Variants in PLXNA2 observed in about 807,000 individuals in gnomAD.
PLXNA2 encodes the protein plexin-A2.
A neutral mutation model predicts 193.5 loss-of-function variants in PLXNA2; 91 were observed. The observed-to-expected ratio is 0.47, with a 90% confidence interval of 0.40 to 0.56. The LOEUF (loss-of-function observed/expected upper bound fraction) is 0.56, where lower values mean the gene tolerates loss of function less well. PLXNA2 is among the 20% of genes least tolerant of loss of function. The probability of loss-of-function intolerance (pLI) is 0.00; values close to 1 mark genes in which losing one functional copy is unlikely to be tolerated. For synonymous variants in PLXNA2, 997 were observed against 1,027.3 expected, an observed-to-expected ratio of 0.97 and a Z score of 0.56; for missense variants, 1,995 against 2,503.2, an observed-to-expected ratio of 0.80 and a Z score of 4.33.
At chr1:208,221,698 G>A (rs932713713) in intron 1 of PLXNA2, among the ~76,000 whole-genome samples, 1 of 152,152 alleles carries the variant, frequency 6.6e-6, no homozygotes, top group Admixed American at 6.5e-5. Flanking sequence ...CCAAATTGAT[G>A]TGACTAAGTG....
At chr1:208,161,229 C>G (rs1051448222) in intron 3 of PLXNA2, among the ~76,000 whole-genome samples, 1 of 152,162 alleles carries the variant, frequency 6.6e-6, no homozygotes, top group Non-Finnish European at 1.5e-5. Context: ...ATAGAGAATG[C>G]CCCTGAGGCC....
chr1:208,152,803 C>G (rs924629489), intron 3 of PLXNA2, among the ~76,000 whole-genome samples: 2 of 151,756 alleles, frequency 1.3e-5, no homozygotes, highest in African/African-American at 4.9e-5. Flanking sequence ...ATGGCCTTCT[C>G]ACCATTTTCC....
intron 3 of PLXNA2, among the ~76,000 whole-genome samples, chr1:208,153,225 A>G (rs1485426888): frequency 6.6e-6 from 1 of 152,162 alleles, no homozygotes; most frequent in Non-Finnish European, 1.5e-5. Flanking sequence ...TAAAGGCTTT[A>G]TGCACATTTT....
chr1:208,100,112 A>T (rs546036535), intron 5 of PLXNA2, among the ~76,000 whole-genome samples: 1 of 152,018 alleles, frequency 6.6e-6, no homozygotes, highest in South Asian at 2.1e-4. Context: ...GGTGGCTCAC[A>T]CCTGTAATCC....
At chr1:208,202,429 A>T (rs1236570994) in intron 3 of PLXNA2, among the ~76,000 whole-genome samples, 1 of 152,144 alleles carries the variant, frequency 6.6e-6, no homozygotes. Flanking sequence ...AACTGTCCTC[A>T]TTTTACATTG....
chr1:208,138,869 A>G (rs1264995833), intron 4 of PLXNA2, among the ~76,000 whole-genome samples: 1 of 152,222 alleles, frequency 6.6e-6, no homozygotes, highest in African/African-American at 2.4e-5. Flanking sequence ...TCTACTAAAA[A>G]TACAAAAATT....
intron 20 of PLXNA2, among the ~76,000 whole-genome samples, chr1:208,043,565 C>T (rs1287748485): frequency 1.3e-5 from 2 of 152,306 alleles, no homozygotes; most frequent in East Asian, 3.9e-4. Flanking sequence ...AAGACCAGAA[C>T]AGGCAAAGTG....
At chr1:208,051,682 T>C (rs536763480) in intron 15 of PLXNA2, among the ~76,000 whole-genome samples, 2 of 152,296 alleles carry the variant, frequency 1.3e-5, no homozygotes, top group South Asian at 4.1e-4. Flanking sequence ...GGGAAACTCC[T>C]TTTTTCTGGA....
intron 3 of PLXNA2, among the ~76,000 whole-genome samples, chr1:208,149,021 C>T (rs949460038): frequency 6.6e-6 from 1 of 152,238 alleles, no homozygotes; most frequent in Non-Finnish European, 1.5e-5. Flanking sequence ...CTCAACATCA[C>T]TCTCAGCAGG....
At position 208,042,115 on chromosome 1, in the gene PLXNA2, G is replaced by C; in HGVS notation, c.4269C>G (p.Pro1423=). ...GGCCAGACCTCCGGAGTAGCAGCTTGGGGTGGTTCTTGTTCTCCAGGTTCT... is the reference window on the plus strand; with the variant it reads ...GGCCAGACCTCCGGAGTAGCAGCTTCGGGTGGTTCTTGTTCTCCAGGTTCT... ...IDKNLENKNH[P]KLLLRRTESV... is the part of the protein sequence containing the mutation. Residue 1423 remains proline (P), a synonymous_variant, in exon 22 of 32, where the codon CCC becomes CCG. Coordinates refer to ENST00000367033, the MANE Select transcript of PLXNA2 (RefSeq NM_025179.4). 1.9e-6 allele frequency: 3 copies of C among 1,614,048 alleles called. No homozygotes were observed. Among genetic ancestry groups the C allele is most frequent in the Non-Finnish European group, 2.5e-6 (3 of 1,179,970 alleles).
Position 208,236,019 on chromosome 1 carries a change from G to A in PLXNA2, c.-81+7624C>T, listed in dbSNP as rs1671839951. ...AAAGTTTTAAGCAGCTGGAGTCAGG[G>A]TGGGGCATCAGTGTTGTCAGGGCAC... On this transcript the variant is annotated intron_variant, in intron 1 of 31. Transcript: ENST00000367033. The surrounding 1 kb of genome is among the most constrained non-coding windows in gnomAD (Gnocchi z 4.4). Among the ~76,000 whole-genome samples, 1 of 152,166 alleles carries A rather than the reference G, an allele frequency of 6.6e-6. No homozygotes were observed. Among genetic ancestry groups the A allele is most frequent in the Non-Finnish European group, 1.5e-5 (1 of 68,040 alleles).
chr1:208,151,057 C>T (rs896808070), intron 3 of PLXNA2, among the ~76,000 whole-genome samples: 8 of 152,164 alleles, frequency 5.3e-5, no homozygotes, highest in African/African-American at 1.2e-4. Flanking sequence ...CTGCCAGGGG[C>T]GGAGGAAGCA....
At chr1:208,048,179 C>T (rs1269683397) in intron 17 of PLXNA2, among the ~76,000 whole-genome samples, 2 of 152,204 alleles carry the variant, frequency 1.3e-5, no homozygotes, top group African/African-American at 2.4e-5. Context: ...CGCTGCCTGC[C>T]CCGTGCTGCG....
chr1:208,231,811 TG>T (rs910908551), intron 1 of PLXNA2, among the ~76,000 whole-genome samples: 1 of 152,182 alleles, frequency 6.6e-6, no homozygotes, highest in African/African-American at 2.4e-5. Flanking sequence ...GACTTGGACT[TG>T]GGGGGTCCTG....
At chr1:208,105,770 T>C (rs936534791) in intron 4 of PLXNA2, among the ~76,000 whole-genome samples, 35 of 152,202 alleles carry the variant, frequency 2.3e-4, no homozygotes, top group African/African-American at 8.4e-4. Context: ...AACCACTCTC[T>C]GAGGCCTGAG....
intron 29 of PLXNA2, chr1:208,030,478 GT>G (rs1664467069): frequency 3.1e-6 from 3 of 965,870 alleles, no homozygotes; most frequent in Non-Finnish European, 3.7e-6. Flanking sequence ...TGGAAGGCCT[GT>G]CCTGGCAAAG....
At chr1:208,240,444 C>T (rs1672010191) in intron 1 of PLXNA2, among the ~76,000 whole-genome samples, 1 of 152,176 alleles carries the variant, frequency 6.6e-6, no homozygotes, top group African/African-American at 2.4e-5. Flanking sequence ...GCACACCCAC[C>T]CCTCATTTAC....
chr1:208,104,341 C>T lies in PLXNA2; in HGVS notation c.1507-1094G>A, dbSNP rs117222761. On this transcript the variant is annotated intron_variant, in intron 4 of 31. Coordinates refer to ENST00000367033, the MANE Select transcript of PLXNA2 (RefSeq NM_025179.4). ...AGCAAATGTTTATCAGATGTCAACG[C>T]TGTGGAGCTCTGGTGCTATGCAACA... Among the ~76,000 whole-genome samples, 125 of 152,340 alleles carry T rather than the reference C, an allele frequency of 8.2e-4. 2 individuals are homozygous for T. In the East Asian group the frequency reaches 0.024, roughly 29 times the overall value.
chr1:208,149,679 T>A (rs1204642273), intron 3 of PLXNA2, among the ~76,000 whole-genome samples: 1 of 151,772 alleles, frequency 6.6e-6, no homozygotes, highest in Non-Finnish European at 1.5e-5. Context: ...TTAATGAGAG[T>A]GTATCTGGAG....
Sources: allele counts gnomAD v4.1 joint callset (sites outside exome capture counted in the v4.1 genomes callset), GRCh38; gene constraint gnomAD v4.1.1; non-coding constraint Gnocchi (gnomAD v3.1); transcripts MANE v1.5; gene names NCBI Gene and HGNC (gene_info 2026-07-23, HGNC 2026-07-21).